The following PTPRG variants were observed in gnomAD, a reference collection of about 807,000 sequenced individuals.
The protein encoded by PTPRG is protein tyrosine phosphatase receptor type G.
In PTPRG, 102 loss-of-function variants were observed where a neutral mutation model predicts 165.3. That is an observed-to-expected ratio of 0.62 (90% CI 0.53 to 0.73). The LOEUF is 0.73. Among genes scored for constraint, PTPRG ranks in the 30% least tolerant of loss-of-function variants. The pLI is 0.00. For missense variants in PTPRG, 1,866 were observed against 1,861.4 expected (o/e 1.00, Z -0.05); for synonymous variants, 675 against 669.5 (o/e 1.01, Z -0.13).
intron 1 of PTPRG, among the ~76,000 whole-genome samples, chr3:61,655,279 C>G (rs1162002378): frequency 1.3e-5 from 2 of 152,180 alleles, no homozygotes; most frequent in Non-Finnish European, 2.9e-5. Flanking sequence ...TATTTCATCT[C>G]TGATTATTGT....
intron 17 of PTPRG, among the ~76,000 whole-genome samples, chr3:62,265,668 G>GA (rs1701839843): frequency 6.6e-6 from 1 of 152,110 alleles, no homozygotes; most frequent in African/African-American, 2.4e-5. Flanking sequence ...GAACAAGGAA[G>GA]AAAGTCAAAC....
chr3:61,694,025 A>AAAGAGAG (rs1553650991), intron 1 of PTPRG, among the ~76,000 whole-genome samples: 1 of 145,940 alleles, frequency 6.9e-6, no homozygotes, highest in African/African-American at 2.5e-5. Context: ...AAAAAAAAAA[A>AAAGAGAG]AGAGAGAGAG....
At chr3:62,177,757 CT>C (rs1339233036) in intron 8 of PTPRG, among the ~76,000 whole-genome samples, 1 of 152,156 alleles carries the variant, frequency 6.6e-6, no homozygotes, top group Non-Finnish European at 1.5e-5. Flanking sequence ...CCTCCTCAGC[CT>C]TCATAACTCA....
At position 61,929,025 on chromosome 3, in the gene PTPRG, A is replaced by T. The variant is rs146277941; in HGVS notation, c.191-60600A>T. On this transcript the variant is annotated intron_variant, in intron 2 of 29. Transcript: ENST00000474889. ...GATGCCACTGAACATCCTACAATGC[A>T]CAAGGACAACCCCCACAGCAAAGGA... Among the ~76,000 whole-genome samples the T allele has an allele frequency of 8.5e-4, 129 of 152,316 alleles. 1 individual carries two copies. Among genetic ancestry groups the T allele is most frequent in the East Asian group, 7.0e-3 (36 of 5,176 alleles).
At chr3:61,961,267 T>C (rs942163968) in intron 2 of PTPRG, among the ~76,000 whole-genome samples, 3 of 152,166 alleles carry the variant, frequency 2.0e-5, no homozygotes, top group Non-Finnish European at 4.4e-5. Context: ...TCACTTATTA[T>C]TCATTGGTTT....
chr3:62,262,767 G>C, intron 16 of PTPRG, 31 bp from the exon 17 acceptor site: 1 of 1,527,340 alleles, frequency 6.5e-7, no homozygotes, highest in South Asian at 1.1e-5. Flanking sequence ...TTTCTAAACT[G>C]TGTCTATAAT....
chr3:61,911,099 C>G (rs1218435251), intron 2 of PTPRG, among the ~76,000 whole-genome samples: 1 of 152,308 alleles, frequency 6.6e-6, no homozygotes, highest in East Asian at 1.9e-4. Context: ...TTAGGAAAGC[C>G]CCTCTTGACC....
intron 1 of PTPRG, among the ~76,000 whole-genome samples, chr3:61,597,689 A>G (rs959593633): frequency 2.6e-5 from 4 of 152,164 alleles, no homozygotes; most frequent in Admixed American, 1.3e-4. Context: ...AATTTAATCT[A>G]TTAAAATGGA....
intron 5 of PTPRG, among the ~76,000 whole-genome samples, chr3:62,085,184 G>A (rs1447610357): frequency 1.3e-5 from 2 of 152,156 alleles, no homozygotes; most frequent in African/African-American, 4.8e-5. Flanking sequence ...TGAGTTAAAG[G>A]AAACCTCTGT....
chr3:61,571,284 G>C (rs940842595), intron 1 of PTPRG, among the ~76,000 whole-genome samples: 1 of 152,144 alleles, frequency 6.6e-6, no homozygotes, highest in Non-Finnish European at 1.5e-5. Flanking sequence ...GGCGGTGACT[G>C]TAATATGTTT....
At chr3:62,197,492 T>C (rs1026579335) in intron 10 of PTPRG, among the ~76,000 whole-genome samples, 4 of 152,190 alleles carry the variant, frequency 2.6e-5, no homozygotes, top group Non-Finnish European at 4.4e-5. Context: ...AAATAAATCA[T>C]GCTCCCTGTG....
Position 62,201,413 on chromosome 3 carries a change from T to C in PTPRG, c.1328-92T>C. 6 of 1,013,258 alleles carry C rather than the reference T, an allele frequency of 5.9e-6. No homozygotes were observed. The South Asian group carries it at 8.8e-5, about 15-fold the overall frequency. 62.8% of individuals were successfully genotyped at this position (1,013,258 alleles called of 1,614,324 possible). ...GAATAATATTTTGACATGTGAAAAT[T>C]ATATGTAATTCAGATTTGTGTTCAT... is the stretch of plus-strand genomic sequence containing the variant. On this transcript the variant is annotated intron_variant, in intron 10 of 29. Transcript: ENST00000474889.
intron 1 of PTPRG, among the ~76,000 whole-genome samples, chr3:61,724,237 T>TA (rs2032167521): frequency 8.3e-6 from 1 of 120,340 alleles, no homozygotes; most frequent in Non-Finnish European, 1.7e-5. Context: ...AAAAAGTAGT[T>TA]ATATACATAG....
chr3:62,291,361 A>G (rs977151468), intron 28 of PTPRG, among the ~76,000 whole-genome samples: 12 of 152,246 alleles, frequency 7.9e-5, no homozygotes, highest in Admixed American at 5.9e-4. Flanking sequence ...TACCTATGCT[A>G]AAGTGCACAA....
intron 4 of PTPRG, among the ~76,000 whole-genome samples, chr3:62,050,556 G>A (rs1237308833): frequency 3.3e-5 from 5 of 152,176 alleles, no homozygotes; most frequent in African/African-American, 1.2e-4. Context: ...AGAGATGGCC[G>A]AGTGGCCATG....
At chr3:62,281,432 A>G (rs1469730768) in intron 26 of PTPRG, 131 bp from the exon 27 acceptor site, 1 of 738,142 alleles carries the variant, frequency 1.4e-6, no homozygotes, top group Non-Finnish European at 2.1e-6. Context: ...CGATGGGAAC[A>G]TATAACTCTT....
At chr3:61,923,934 A>G (rs1005405279) in intron 2 of PTPRG, among the ~76,000 whole-genome samples, 1 of 152,170 alleles carries the variant, frequency 6.6e-6, no homozygotes, top group African/African-American at 2.4e-5. Flanking sequence ...ATCTTCGAGA[A>G]TAACTAGGAG....
At chr3:62,053,353 A>T (rs1575941867) in intron 4 of PTPRG, among the ~76,000 whole-genome samples, 2 of 140,648 alleles carry the variant, frequency 1.4e-5, no homozygotes, top group East Asian at 2.1e-4. Context: ...TGCAACCTCC[A>T]CCTCCCAGGC....
At chr3:62,064,016 C>T (rs1700912646) in intron 4 of PTPRG, among the ~76,000 whole-genome samples, 1 of 152,170 alleles carries the variant, frequency 6.6e-6, no homozygotes, top group Non-Finnish European at 1.5e-5. Context: ...GGCTGGTCTT[C>T]TGAGTTAGGT....
Sources: allele counts gnomAD v4.1 joint callset (sites outside exome capture counted in the v4.1 genomes callset), GRCh38; gene constraint gnomAD v4.1.1; transcripts MANE v1.5; gene names NCBI Gene and HGNC (gene_info 2026-07-23, HGNC 2026-07-21).